Variants in XPR1 observed in about 807,000 individuals in gnomAD.
The protein encoded by XPR1 is solute carrier family 53 member 1.
XPR1 carries 28 observed loss-of-function variants against 87.5 expected under a neutral mutation model. The observed-to-expected ratio is 0.32, with a 90% CI of 0.24 to 0.44. The LOEUF is 0.44. XPR1 is among the 20% of genes least tolerant of loss of function. XPR1 has a pLI of 1.00. For missense variants in XPR1, 559 were observed against 862.3 expected, an observed-to-expected ratio of 0.65 and a Z score of 4.41; for synonymous variants, 300 against 306.1, an observed-to-expected ratio of 0.98 and a Z score of 0.21.
intron 2 of XPR1, among the ~76,000 whole-genome samples, chr1:180,777,567 G>A (rs1648771553): frequency 6.6e-6 from 1 of 152,102 alleles, no homozygotes; most frequent in South Asian, 2.1e-4. Flanking sequence ...AATGACTCCT[G>A]ATTTAGCTCT....
intron 1 of XPR1, among the ~76,000 whole-genome samples, chr1:180,676,556 C>A (rs1406709625): frequency 6.6e-6 from 1 of 151,954 alleles, no homozygotes; most frequent in Non-Finnish European, 1.5e-5. Context: ...ATTGAAGAAC[C>A]AAAATATTAC....
chr1:180,793,794 T>G (rs1649471559), intron 3 of XPR1, among the ~76,000 whole-genome samples: 1 of 152,186 alleles, frequency 6.6e-6, no homozygotes, highest in Non-Finnish European at 1.5e-5. Flanking sequence ...AAAAAGTGTT[T>G]TATAAGCATC....
At chr1:180,688,402 A>C (rs1475845692) in intron 2 of XPR1, among the ~76,000 whole-genome samples, 2 of 151,918 alleles carry the variant, frequency 1.3e-5, no homozygotes, top group Non-Finnish European at 2.9e-5. Context: ...TGATTTTTTA[A>C]ATAATGCATA....
At chr1:180,860,416 A>G (rs1332878371) in intron 11 of XPR1, among the ~76,000 whole-genome samples, 1 of 152,148 alleles carries the variant, frequency 6.6e-6, no homozygotes, top group East Asian at 1.9e-4. Flanking sequence ...TTGTAAAGTG[A>G]CTTTTTTGGA....
intron 2 of XPR1, among the ~76,000 whole-genome samples, chr1:180,746,451 T>C (rs1424705571): frequency 6.6e-6 from 1 of 152,212 alleles, no homozygotes; most frequent in Non-Finnish European, 1.5e-5. Context: ...AAACATTATT[T>C]TGTTCTTTCT....
chr1:180,720,889 A>G (rs146082143), intron 2 of XPR1, among the ~76,000 whole-genome samples: 117 of 152,324 alleles, frequency 7.7e-4, no homozygotes, highest in African/African-American at 2.8e-3. Flanking sequence ...ATCAGTATGT[A>G]TAAAAGAATC....
chr1:180,649,803 C>T (rs567376947), intron 1 of XPR1, among the ~76,000 whole-genome samples: 33 of 152,254 alleles, frequency 2.2e-4, no homozygotes, highest in Admixed American at 2.0e-3. Context: ...ACTGCAGGCT[C>T]CTGGATATAG....
chr1:180,863,591 A>T, intron 11 of XPR1, 117 bp from the exon 12 acceptor site: 2 of 892,024 alleles, frequency 2.2e-6, no homozygotes, highest in Non-Finnish European at 3.3e-6. Context: ...CGATCTGTTT[A>T]AAGCTTTGCT....
At chr1:180,824,625 T>C in intron 7 of XPR1, 128 bp from the exon 8 acceptor site, 1 of 740,068 alleles carries the variant, frequency 1.4e-6, no homozygotes, top group East Asian at 2.6e-5. Flanking sequence ...ATAGATAATC[T>C]AGGTTTAGGT....
chr1:180,865,853 T>C (rs1011809105), intron 12 of XPR1, among the ~76,000 whole-genome samples: 6 of 152,180 alleles, frequency 3.9e-5, no homozygotes, highest in African/African-American at 1.2e-4. Flanking sequence ...ATAAATACTT[T>C]CCTACATTAT....
intron 11 of XPR1, among the ~76,000 whole-genome samples, chr1:180,837,437 T>G (rs1436504681): frequency 1.3e-5 from 2 of 152,124 alleles, no homozygotes; most frequent in African/African-American, 4.8e-5. Flanking sequence ...TTAATAGTTA[T>G]TTTTAAATAC....
At chr1:180,675,714 G>A (rs954568823) in intron 1 of XPR1, among the ~76,000 whole-genome samples, 11 of 152,142 alleles carry the variant, frequency 7.2e-5, no homozygotes, top group African/African-American at 2.4e-4. Context: ...AGCATGAGTT[G>A]AGGAAACTCT....
At chr1:180,841,396 G>A (rs1412043846) in intron 11 of XPR1, among the ~76,000 whole-genome samples, 3 of 151,398 alleles carry the variant, frequency 2.0e-5, no homozygotes, top group Non-Finnish European at 2.9e-5. Context: ...CAGACAAAGC[G>A]ACATCTTTAA....
At chr1:180,672,515 A>G (rs568772634) in intron 1 of XPR1, among the ~76,000 whole-genome samples, 1 of 152,316 alleles carries the variant, frequency 6.6e-6, no homozygotes, top group Admixed American at 6.5e-5. Context: ...TTCTTTGTAT[A>G]GTACACATGA....
At chr1:180,821,589 A>G (rs1202407536) in intron 7 of XPR1, among the ~76,000 whole-genome samples, 1 of 152,190 alleles carries the variant, frequency 6.6e-6, no homozygotes, top group Non-Finnish European at 1.5e-5. Context: ...AAAAAAAGCC[A>G]TTGGAATTTT....
At chr1:180,762,184 A>G (rs1326756305) in intron 2 of XPR1, among the ~76,000 whole-genome samples, 2 of 151,726 alleles carry the variant, frequency 1.3e-5, no homozygotes, top group Non-Finnish European at 2.9e-5. Flanking sequence ...TGATGAGTTA[A>G]TGGGTGCAGC....
chr1:180,800,554 C>T (rs1649742293), intron 3 of XPR1, among the ~76,000 whole-genome samples: 1 of 152,224 alleles, frequency 6.6e-6, no homozygotes, highest in Non-Finnish European at 1.5e-5. Context: ...GAGAGCCTGA[C>T]AGAGAACCTA....
At chr1:180,680,134 C>T (rs1017776333) in intron 1 of XPR1, among the ~76,000 whole-genome samples, 2 of 152,146 alleles carry the variant, frequency 1.3e-5, no homozygotes, top group African/African-American at 4.8e-5. Context: ...CTTAACATCA[C>T]TCATCATCAA....
At chr1:180,857,575 C>G (rs1652078074) in intron 11 of XPR1, among the ~76,000 whole-genome samples, 1 of 152,134 alleles carries the variant, frequency 6.6e-6, no homozygotes, top group Non-Finnish European at 1.5e-5. Context: ...GTACCTCCTT[C>G]AGGAAGATTT....
Sources: allele counts gnomAD v4.1 joint callset (sites outside exome capture counted in the v4.1 genomes callset), GRCh38; gene constraint gnomAD v4.1.1; transcripts MANE v1.5; gene names NCBI Gene and HGNC (gene_info 2026-07-23, HGNC 2026-07-21).